Variants in HTR4 observed in about 807,000 individuals in gnomAD.
HTR4 encodes 5-hydroxytryptamine receptor 4.
HTR4 carries 16 observed loss-of-function variants against 36.8 expected under a neutral mutation model. The ratio of observed to expected loss-of-function variants is 0.43; its 90% CI spans 0.29 to 0.66. The LOEUF is 0.66. Among genes scored for constraint, HTR4 ranks in the 30% least tolerant of loss-of-function variants. HTR4 has a pLI of 0.13. For missense variants in HTR4, 438 were observed against 490.9 expected, an observed-to-expected ratio of 0.89 and a Z score of 1.02; for synonymous variants, 189 against 185.1, an observed-to-expected ratio of 1.02 and a Z score of -0.17.
At chr5:148,619,936 A>G (rs1352595301) in intron 2 of HTR4, among the ~76,000 whole-genome samples, 1 of 152,218 alleles carries the variant, frequency 6.6e-6, no homozygotes, top group Non-Finnish European at 1.5e-5. Flanking sequence ...AAAATAAATT[A>G]AAAGCTCTGA....
Position 148,588,527 on chromosome 5 carries a change from C to CTT in HTR4, c.27-38267_27-38266dup, listed in dbSNP as rs35749777. ...ATATCATTCACAGTAGGTTTTAATT[C>CTT]TTTTTTTTTTTTTTTTTTTTTTTTG... is the stretch of plus-strand genomic sequence containing the variant. On this transcript the variant is annotated intron_variant, in intron 2 of 6. Coordinates refer to ENST00000377888, the MANE Select transcript of HTR4 (RefSeq NM_000870.7). Among the ~76,000 whole-genome samples, 735 of 110,036 alleles carry CTT rather than the reference C, an allele frequency of 6.7e-3. 1 individual carries two copies. Among genetic ancestry groups the CTT allele is most frequent in the East Asian group, 8.9e-3 (29 of 3,266 alleles). The allele number at this position is 110,036 out of a possible 152,430, so 72.2% of individuals were successfully genotyped here.
intron 4 of HTR4, among the ~76,000 whole-genome samples, chr5:148,523,728 T>C (rs1758133528): frequency 6.6e-6 from 1 of 152,124 alleles, no homozygotes; most frequent in South Asian, 2.1e-4. Context: ...CACAGTCCTC[T>C]CCATCTCCCA....
chr5:148,512,557 G>T (rs1757542213), intron 5 of HTR4, among the ~76,000 whole-genome samples: 1 of 152,146 alleles, frequency 6.6e-6, no homozygotes, highest in South Asian at 2.1e-4. Flanking sequence ...AGTATCTTGT[G>T]ATAGAAAGAA....
chr5:148,481,859 A>T lies in HTR4; in HGVS notation c.*1344T>A. ...AGACATCCAGATTAATCTGAAGGAC[A>T]AAGCTGGAAAGGTCAGGGGTCTAAA... On this transcript the variant is annotated 3_prime_UTR_variant, in exon 7 of 7. Transcript: ENST00000377888. The T allele has an allele frequency of 7.9e-7, 1 of 1,265,194 alleles. No homozygotes were observed. The highest frequency in any genetic ancestry group is 3.8e-5 in the Admixed American group (1 of 26,120). The allele number at this position is 1,265,194 out of a possible 1,614,324, so 78.4% of individuals were successfully genotyped here.
intron 2 of HTR4, among the ~76,000 whole-genome samples, chr5:148,561,356 C>G (rs1443034850): frequency 6.6e-6 from 1 of 151,218 alleles, no homozygotes; most frequent in Non-Finnish European, 1.5e-5. Context: ...AAAGCCAAGG[C>G]AGGATAGATA....
At chr5:148,549,747 G>A (rs566513518) in intron 3 of HTR4, among the ~76,000 whole-genome samples, 13 of 151,828 alleles carry the variant, frequency 8.6e-5, no homozygotes, top group Non-Finnish European at 1.6e-4. Flanking sequence ...TGCAGCCAGG[G>A]TTGAGACTGA....
At chr5:148,523,143 A>G (rs1465126525) in intron 5 of HTR4, 50 bp downstream of exon 5, 2 of 1,502,522 alleles carry the variant, frequency 1.3e-6, no homozygotes, top group South Asian at 1.2e-5. Context: ...TAGGAACCCC[A>G]TGCAAAGTTG....
At chr5:148,578,894 G>C (rs1456776795) in intron 2 of HTR4, among the ~76,000 whole-genome samples, 1 of 152,060 alleles carries the variant, frequency 6.6e-6, no homozygotes, top group Non-Finnish European at 1.5e-5. Context: ...CTTACACCAA[G>C]TCCAACTTAT....
intron 6 of HTR4, 58 bp downstream of exon 6, chr5:148,509,398 T>C: frequency 7.6e-7 from 1 of 1,315,798 alleles, no homozygotes; most frequent in Non-Finnish European, 1.1e-6. Context: ...AACTGGAGCA[T>C]TACCCCTTCT....
chr5:148,488,972 CA>C (rs1756288302), intron 6 of HTR4, among the ~76,000 whole-genome samples: 1 of 152,166 alleles, frequency 6.6e-6, no homozygotes. Flanking sequence ...GAGGTCAAAT[CA>C]ATATCCTTTC....
intron 2 of HTR4, among the ~76,000 whole-genome samples, chr5:148,618,957 A>G (rs1033228779): frequency 6.6e-6 from 1 of 152,194 alleles, no homozygotes; most frequent in African/African-American, 2.4e-5. Flanking sequence ...TTAGTAGGGT[A>G]TATCTGGAAT....
At chr5:148,638,533 T>C (rs1753623696) in intron 1 of HTR4, among the ~76,000 whole-genome samples, 2 of 152,138 alleles carry the variant, frequency 1.3e-5, no homozygotes, top group Non-Finnish European at 2.9e-5. Context: ...ATCCCTACGT[T>C]GAGACTTTCC....
chr5:148,523,133 T>C (rs1398048642), intron 5 of HTR4, 60 bp downstream of exon 5: 1 of 1,420,004 alleles, frequency 7.0e-7, no homozygotes, highest in Non-Finnish European at 9.8e-7. Context: ...TTTATTCATT[T>C]AGGAACCCCA....
chr5:148,599,049 T>G (rs1761890195), intron 2 of HTR4, among the ~76,000 whole-genome samples: 2 of 151,710 alleles, frequency 1.3e-5, no homozygotes, highest in Non-Finnish European at 2.9e-5. Context: ...AAGAGAACAT[T>G]AAAAAACAGG....
chr5:148,535,728 T>C (rs765592306), intron 4 of HTR4, among the ~76,000 whole-genome samples: 2 of 152,126 alleles, frequency 1.3e-5, no homozygotes, highest in Non-Finnish European at 2.9e-5. Flanking sequence ...CTGAGAAGTA[T>C]AGGATTATGA....
intron 2 of HTR4, among the ~76,000 whole-genome samples, chr5:148,578,739 G>C (rs919638298): frequency 1.6e-4 from 25 of 151,980 alleles, no homozygotes; most frequent in African/African-American, 5.8e-4. Context: ...CAATACCTAC[G>C]TCTTAGGATT....
intron 6 of HTR4, among the ~76,000 whole-genome samples, chr5:148,497,511 G>C (rs112834460): frequency 1.0e-3 from 157 of 152,116 alleles, no homozygotes; most frequent in African/African-American, 3.6e-3. Context: ...GTACAATGTT[G>C]ACCACAAGAG....
intron 2 of HTR4, among the ~76,000 whole-genome samples, chr5:148,579,517 T>C (rs1268438709): frequency 6.6e-6 from 1 of 152,074 alleles, no homozygotes; most frequent in African/African-American, 2.4e-5. Flanking sequence ...AACAATTTAC[T>C]GCAAAGTTAG....
chr5:148,616,017 C>T (rs1051625033), intron 2 of HTR4, among the ~76,000 whole-genome samples: 1 of 152,116 alleles, frequency 6.6e-6, no homozygotes, highest in African/African-American at 2.4e-5. Flanking sequence ...AAGGACAAGA[C>T]TTTACAGTGA....
Sources: gnomAD v4.1 joint callset for allele counts (sites outside exome capture counted in the v4.1 genomes callset) on GRCh38, gnomAD v4.1.1 for gene constraint, MANE v1.5 for transcripts, NCBI Gene and HGNC (gene_info 2026-07-23, HGNC 2026-07-21) for gene names.